The following PDCD11 variants were observed in gnomAD, a reference collection of about 807,000 sequenced individuals.
The protein encoded by PDCD11 is programmed cell death 11.
PDCD11 carries 97 observed loss-of-function variants against 198.9 expected under a neutral mutation model. The ratio of observed to expected loss-of-function variants is 0.49; its 90% CI spans 0.41 to 0.58. The LOEUF is 0.58. Ranked by LOEUF, PDCD11 falls within the 20% of genes least tolerant of loss-of-function variation. The probability of loss-of-function intolerance (pLI) is 0.00; values close to 1 mark genes in which losing one functional copy is unlikely to be tolerated. For missense variants in PDCD11, 2,102 were observed against 2,312.7 expected (o/e 0.91, Z 1.87); for synonymous variants, 893 against 918.0 (o/e 0.97, Z 0.49).
chr10:103,443,380 A>T, intron 33 of PDCD11, 47 bp downstream of exon 33: 1 of 1,532,554 alleles, frequency 6.5e-7, no homozygotes, highest in Non-Finnish European at 8.9e-7. Context: ...CCAGGGCCAC[A>T]ATCTCAGAGA....
intron 21 of PDCD11, among the ~76,000 whole-genome samples, 172 bp downstream of exon 21, chr10:103,427,563 A>G (rs936490044): frequency 6.6e-6 from 1 of 152,158 alleles, no homozygotes; most frequent in African/African-American, 2.4e-5. Context: ...GGCTGGAGGG[A>G]TCATATGAAA....
intron 3 of PDCD11, 131 bp from the exon 4 acceptor site, chr10:103,402,987 T>C: frequency 2.4e-6 from 2 of 835,472 alleles, no homozygotes; most frequent in Admixed American, 5.0e-5. Flanking sequence ...ACCCAAAGTA[T>C]TGGAATTATA....
intron 3 of PDCD11, among the ~76,000 whole-genome samples, chr10:103,402,869 G>T (rs1020093707): frequency 6.6e-6 from 1 of 152,050 alleles, no homozygotes; most frequent in Non-Finnish European, 1.5e-5. Flanking sequence ...GAGTACCTGC[G>T]ACTACAGGCG....
chr10:103,415,220 C>G, intron 12 of PDCD11, 69 bp downstream of exon 12: 1 of 1,528,796 alleles, frequency 6.5e-7, no homozygotes, highest in Non-Finnish European at 9.0e-7. Flanking sequence ...ACTGAAGTTT[C>G]TGCCTTTTTC....
chr10:103,403,509 G>A (rs2030244356), intron 4 of PDCD11, among the ~76,000 whole-genome samples: 2 of 152,142 alleles, frequency 1.3e-5, no homozygotes, highest in South Asian at 4.1e-4. Context: ...AAGGAAAGGC[G>A]TTCAGGCAGA....
chr10:103,421,354 A>T lies in PDCD11; in HGVS notation c.2284A>T (p.Ser762Cys). The change falls in exon 17 of 36, where the codon AGT becomes TGT. Residue 762 changes from serine (S) to cysteine (C), a missense_variant. Ser to Cys is a moderately radical substitution (Grantham distance 112). Coordinates refer to ENST00000369797, the MANE Select transcript of PDCD11 (RefSeq NM_014976.2). Reference sequence around the variant, plus strand: ...TGCCTGTTCTTCTGTTCAGATCATGAGTGACAAATTTGTGACCTCCACAAG... The same window carrying T: ...TGCCTGTTCTTCTGTTCAGATCATGTGTGACAAATTTGTGACCTCCACAAG... Reference protein sequence around the residue: ...LSGLAPKAIMSDKFVTSTSDH... With the variant: ...LSGLAPKAIMCDKFVTSTSDH... The T allele has an allele frequency of 6.2e-7, 1 of 1,605,706 alleles. No homozygotes were observed. Among genetic ancestry groups the T allele is most frequent in the Non-Finnish European group, 8.5e-7 (1 of 1,175,664 alleles).
chr10:103,421,591 A>G, intron 17 of PDCD11, 24 bp downstream of exon 17: 2 of 1,247,372 alleles, frequency 1.6e-6, no homozygotes, highest in Non-Finnish European at 1.1e-6. Flanking sequence ...GGGGCAGGGG[A>G]GGTGGGCCAG....
Position 103,403,379 on chromosome 10 carries a change from T to C in PDCD11, c.402+94T>C, listed in dbSNP as rs527378286. 2,026 of 1,179,864 alleles carry C rather than the reference T, an allele frequency of 1.7e-3. 5 individuals are homozygous for C. The highest frequency in any genetic ancestry group is 2.7e-3 in the South Asian group (187 of 68,636). The allele number at this position is 1,179,864 out of a possible 1,614,324, so 73.1% of individuals were successfully genotyped here. On this transcript the variant is annotated intron_variant, in intron 4 of 35. Transcript: ENST00000369797. ...TTTGCCAGGTGCTAAGAAGGGAAAG[T>C]ACAAGGTCCCGTGAGAGTTTATCAT...
chr10:103,443,523 G>A (rs1209646405), intron 33 of PDCD11, among the ~76,000 whole-genome samples, 190 bp downstream of exon 33: 2 of 152,216 alleles, frequency 1.3e-5, no homozygotes, highest in East Asian at 3.9e-4. Flanking sequence ...GTCAAGGTGA[G>A]GGAAGGAGTG....
At chr10:103,404,464 A>G (rs578249164) in intron 4 of PDCD11, among the ~76,000 whole-genome samples, 1 of 151,298 alleles carries the variant, frequency 6.6e-6, no homozygotes, top group African/African-American at 2.4e-5. Flanking sequence ...ACACCCAGCT[A>G]ATTTTTGTAT....
Position 103,442,411 on chromosome 10 carries a change from G to T in PDCD11, c.4906G>T (p.Glu1636Ter). 6.2e-7 allele frequency: 1 copy of T among 1,614,166 alleles called. No homozygotes were observed. Among genetic ancestry groups the T allele is most frequent in the Non-Finnish European group, 8.5e-7 (1 of 1,180,032 alleles). Residue 1636 changes from glutamate (E) to a stop codon, truncating the protein, a stop_gained, in exon 32 of 36, where the codon GAG (glutamate) becomes TAG (stop). Coordinates refer to ENST00000369797, the MANE Select transcript of PDCD11 (RefSeq NM_014976.2). LOFTEE classifies it high-confidence loss of function. ...MAFHLQATEI[E>*]KARAVAERAL... ...TTTCCACCTGCAGGCCACGGAGATC[G>T]AGAAGGCCCGTGCCGTGGCTGAGAG... is the stretch of plus-strand genomic sequence containing the variant.
chr10:103,423,713 C>T, intron 19 of PDCD11, 55 bp downstream of exon 19: 2 of 1,168,288 alleles, frequency 1.7e-6, no homozygotes, highest in South Asian at 1.2e-5. Flanking sequence ...ACCCTTCAAC[C>T]CCACTCCAGT....
chr10:103,414,952 G>A, intron 11 of PDCD11, 53 bp from the exon 12 acceptor site: 3 of 1,599,206 alleles, frequency 1.9e-6, no homozygotes, highest in Admixed American at 3.3e-5. Flanking sequence ...TGTAAGAGGT[G>A]GGGGAAAGGC....
chr10:103,401,695 A>G (rs2030072066), intron 3 of PDCD11, among the ~76,000 whole-genome samples: 1 of 152,226 alleles, frequency 6.6e-6, no homozygotes, highest in African/African-American at 2.4e-5. Context: ...CCTATATGAT[A>G]CTTTAAAAAA....
chr10:103,442,556 G>A (rs2133755318), intron 32 of PDCD11, 96 bp downstream of exon 32: 1 of 1,439,482 alleles, frequency 6.9e-7, no homozygotes, highest in South Asian at 1.3e-5. Flanking sequence ...CAGGCCGGCA[G>A]CATTTTGGGT....
At chr10:103,434,729 G>A in intron 24 of PDCD11, 69 bp from the exon 25 acceptor site, 10 of 1,344,304 alleles carry the variant, frequency 7.4e-6, no homozygotes, top group Non-Finnish European at 1.0e-5. Context: ...CAGCCTGTGT[G>A]TGGCTGGCAT....
At chr10:103,422,307 C>T (rs1327159000) in intron 17 of PDCD11, among the ~76,000 whole-genome samples, 13 of 151,818 alleles carry the variant, frequency 8.6e-5, no homozygotes, top group Admixed American at 7.9e-4. Context: ...TCTCGAACTC[C>T]TGACCTCAAG....
intron 22 of PDCD11, among the ~76,000 whole-genome samples, chr10:103,433,287 G>C (rs2133737051): frequency 6.6e-6 from 1 of 152,282 alleles, no homozygotes; most frequent in East Asian, 1.9e-4. Context: ...TTCAGGTCAG[G>C]AGTTTGAGAC....
rs745919550 is a variant in PDCD11 at position 103,425,480 on chromosome 10, C to T, written c.3260C>T (p.Thr1087Met). ...SPTTKLKVGK[T>M]VTARVIGGRD... Reference sequence around the variant, plus strand: ...ACTACCAAGCTGAAGGTTGGGAAGACGGTCACTGCCCGAGTGATTGGCGGG... The same window carrying T: ...ACTACCAAGCTGAAGGTTGGGAAGATGGTCACTGCCCGAGTGATTGGCGGG... The change falls in exon 20 of 36, where the codon ACG (threonine) becomes ATG (methionine). Residue 1087 changes from threonine (T) to methionine (M), a missense_variant. By Grantham distance (81) the Thr-to-Met change is moderately conservative (BLOSUM62 -1). Transcript: ENST00000369797. 1.2e-5 allele frequency: 20 copies of T among 1,613,630 alleles called. No individual in the cohort carries two copies. In the Admixed American group the frequency reaches 1.7e-4, roughly 13 times the overall value.
Sources: allele counts gnomAD v4.1 joint callset (sites outside exome capture counted in the v4.1 genomes callset), GRCh38; gene constraint gnomAD v4.1.1; transcripts MANE v1.5; gene names NCBI Gene and HGNC (gene_info 2026-07-23, HGNC 2026-07-21).